The following ANK3 variants were observed in gnomAD, a reference collection of about 807,000 sequenced individuals.
The protein encoded by ANK3 is ankyrin 3.
A neutral mutation model predicts 370.9 loss-of-function variants in ANK3; 57 were observed. That is an observed-to-expected ratio of 0.15 (90% CI 0.12 to 0.19). ANK3 has a LOEUF of 0.19. Ranked by LOEUF, ANK3 falls within the 10% of genes least tolerant of loss-of-function variation. The pLI is 1.00. For missense variants in ANK3, 4,439 were observed against 5,302.1 expected (o/e 0.84, Z 5.06); for synonymous variants, 1,929 against 1,946.3 (o/e 0.99, Z 0.23).
intron 1 of ANK3, among the ~76,000 whole-genome samples, chr10:60,693,919 G>A (rs1454435659): frequency 6.6e-6 from 1 of 152,140 alleles, no homozygotes; most frequent in Non-Finnish European, 1.5e-5. Flanking sequence ...GACGAGCTGA[G>A]AGAAGAAGGC....
At chr10:60,163,039 C>T (rs575318444) in intron 23 of ANK3, among the ~76,000 whole-genome samples, 20 of 152,098 alleles carry the variant, frequency 1.3e-4, no homozygotes, top group South Asian at 2.1e-4. Flanking sequence ...TGGGAGGAGA[C>T]GCCAAACTCA....
rs1418378403 is a variant in ANK3 at position 60,529,260 on chromosome 10, C to T, written c.96+85926G>A. Among the ~76,000 whole-genome samples, 4 of 152,030 alleles carry T rather than the reference C, an allele frequency of 2.6e-5. No individual in the cohort carries two copies. The East Asian group carries it at 7.7e-4, about 29-fold the overall frequency. On this transcript the variant is annotated intron_variant, in intron 2 of 43. Transcript: ENST00000373827. ...GCCAGGCTAGCATGCAGTCATCAGG[C>T]CTGAGTGTGCTTTTCCCAAGCAAAG...
intron 1 of ANK3, among the ~76,000 whole-genome samples, chr10:60,699,768 C>A (rs911439570): frequency 1.3e-5 from 2 of 151,812 alleles, no homozygotes; most frequent in Non-Finnish European, 2.9e-5. Context: ...TTAATGATGA[C>A]CAGAGGTCTT....
At chr10:60,241,642 C>A (rs1308195238) in intron 7 of ANK3, among the ~76,000 whole-genome samples, 2 of 152,146 alleles carry the variant, frequency 1.3e-5, no homozygotes, top group Non-Finnish European at 2.9e-5. Context: ...ATTTTCATCA[C>A]CGGCACAATA....
rs1454283758 is a variant in ANK3 at position 60,049,380 on chromosome 10, A to T, written c.13065+6278T>A. Among the ~76,000 whole-genome samples the T allele has an allele frequency of 2.0e-5, 3 of 152,342 alleles. No homozygotes were observed. In the East Asian group the frequency reaches 5.8e-4, roughly 29 times the overall value. On this transcript the variant is annotated intron_variant, in intron 42 of 43. Transcript: ENST00000280772. The stretch of plus-strand genomic sequence containing the variant: ...AAGGTGGGCAGATCACAAGGTCAAG[A>T]GATCGAGACCATCATGGCCAACATG...
chr10:60,153,580 A>C (rs2095232199), intron 23 of ANK3, among the ~76,000 whole-genome samples: 1 of 152,204 alleles, frequency 6.6e-6, no homozygotes, highest in Admixed American at 6.5e-5. Flanking sequence ...AGGTATCTTA[A>C]GGTGACTTAA....
At chr10:60,150,401 GC>G (rs991810078) in intron 23 of ANK3, among the ~76,000 whole-genome samples, 2 of 152,112 alleles carry the variant, frequency 1.3e-5, no homozygotes, top group Non-Finnish European at 2.9e-5. Context: ...TCTTTAAAAT[GC>G]CTTTAAAGTT....
At chr10:60,578,511 A>T (rs1036423554) in intron 2 of ANK3, among the ~76,000 whole-genome samples, 4 of 152,220 alleles carry the variant, frequency 2.6e-5, no homozygotes, top group Admixed American at 2.6e-4. Flanking sequence ...AAGAATGATG[A>T]TGATAGAATC....
chr10:60,474,770 T>A (rs1239443979), intron 2 of ANK3, among the ~76,000 whole-genome samples: 1 of 152,142 alleles, frequency 6.6e-6, no homozygotes, highest in Non-Finnish European at 1.5e-5. Context: ...TCCATACTCA[T>A]TTTGAAAACA....
chr10:60,119,582 T>C (rs899880892), intron 25 of ANK3, among the ~76,000 whole-genome samples: 1 of 152,030 alleles, frequency 6.6e-6, no homozygotes, highest in African/African-American at 2.4e-5. Flanking sequence ...GCCTGGCCAA[T>C]ATGGTGAAAC....
chr10:60,177,246 C>A (rs12355908), intron 18 of ANK3, among the ~76,000 whole-genome samples: 2 of 152,128 alleles, frequency 1.3e-5, no homozygotes, highest in Admixed American at 1.3e-4. Flanking sequence ...CTTTGGTTTG[C>A]GCCACACTTT....
intron 1 of ANK3, among the ~76,000 whole-genome samples, chr10:60,625,982 G>T (rs1018936770): frequency 3.9e-5 from 6 of 152,034 alleles, no homozygotes; most frequent in Non-Finnish European, 8.8e-5. Flanking sequence ...CTTGTTCCAG[G>T]AAAATAAGGG....
chr10:60,639,015 A>G (rs1315415403), intron 1 of ANK3, among the ~76,000 whole-genome samples: 1 of 152,066 alleles, frequency 6.6e-6, no homozygotes, highest in Non-Finnish European at 1.5e-5. Context: ...TATAGATTTT[A>G]GAAGTTCAAC....
At position 60,469,037 on chromosome 10, in the gene ANK3, ATATATATATATATATATACCACTTTTAG is replaced by A. The variant is rs1412428465; in HGVS notation, c.96+146121_96+146148del. 2.1e-3 allele frequency among the ~76,000 whole-genome samples: 121 copies of A among 58,676 alleles called. 12 individuals carry two copies. Among genetic ancestry groups the A allele is most frequent in the Non-Finnish European group, 2.9e-3 (91 of 31,234 alleles). The allele number at this position is 58,676 out of a possible 152,430, so 38.5% of individuals were successfully genotyped here. ...TATATATACCACTTTTAGTGTATAT[ATATATATATATATATATACCACTTTTAG>A]TATATATATATATATATATATATAT... On this transcript the variant is annotated intron_variant, in intron 2 of 43. Coordinates refer to the ANK3 transcript ENST00000373827.
intron 12 of ANK3, among the ~76,000 whole-genome samples, chr10:60,202,008 C>A (rs1046262188): frequency 6.6e-6 from 1 of 152,082 alleles, no homozygotes; most frequent in Admixed American, 6.5e-5. Flanking sequence ...AGCCACCATG[C>A]CCTGCTAAAA....
chr10:60,479,364 T>C (rs1465824145), intron 2 of ANK3, among the ~76,000 whole-genome samples: 3 of 152,142 alleles, frequency 2.0e-5, no homozygotes, highest in Non-Finnish European at 4.4e-5. Context: ...CACAGGTTTG[T>C]AGACTAGGAG....
chr10:60,622,251 C>A (rs78730139), intron 1 of ANK3, among the ~76,000 whole-genome samples: 5 of 146,336 alleles, frequency 3.4e-5, no homozygotes, highest in Admixed American at 2.0e-4. Context: ...AGGCCTGAGG[C>A]TTTTTTTTTT....
At position 60,073,833 on chromosome 10, in the gene ANK3, T is replaced by C; in HGVS notation, c.7048A>G (p.Thr2350Ala). ...AEPTEVIIRE[T>A]KKHPEKEMYV... Reference sequence around the variant, plus strand: ...ATTTCTTTTTCTGGATGCTTTTTGGTTTCTCTAATAATGACTTCAGTGGGC... The same window carrying C: ...ATTTCTTTTTCTGGATGCTTTTTGGCTTCTCTAATAATGACTTCAGTGGGC... Residue 2350 changes from threonine (T) to alanine (A), a missense_variant, in exon 37 of 44, where the codon ACC (threonine) becomes GCC (alanine). Thr to Ala is a moderately conservative substitution (Grantham distance 58). Coordinates refer to ENST00000280772, the MANE Select transcript of ANK3 (RefSeq NM_020987.5). 6.2e-7 allele frequency: 1 copy of C among 1,613,580 alleles called. No homozygotes were observed. The highest frequency in any genetic ancestry group is 8.5e-7 in the Non-Finnish European group (1 of 1,179,974).
At chr10:60,085,288 A>G (rs777195905) in intron 30 of ANK3, 35 bp from the exon 31 acceptor site, 1 of 1,518,916 alleles carries the variant, frequency 6.6e-7, no homozygotes, top group Non-Finnish European at 9.1e-7. Context: ...TGACTTTATC[A>G]TGGGAGATGC....
Sources: allele counts gnomAD v4.1 joint callset (sites outside exome capture counted in the v4.1 genomes callset), GRCh38; gene constraint gnomAD v4.1.1; transcripts MANE v1.5; gene names NCBI Gene and HGNC (gene_info 2026-07-23, HGNC 2026-07-21).